NUAK1: variants seen among roughly 807,000 people sequenced by gnomAD.
The protein encoded by NUAK1 is NUAK family SNF1-like kinase 1.
In NUAK1, 26 loss-of-function variants were observed where a neutral mutation model predicts 56.9. The observed-to-expected ratio is 0.46, with a 90% CI of 0.33 to 0.63. The LOEUF is 0.63. NUAK1 is among the 30% of genes least tolerant of loss of function. The pLI, the probability that NUAK1 is intolerant of heterozygous loss-of-function variation, is 0.02. For synonymous variants in NUAK1, 337 were observed against 336.0 expected, an observed-to-expected ratio of 1.00 and a Z score of -0.03; for missense variants, 727 against 876.1, an observed-to-expected ratio of 0.83 and a Z score of 2.15.
intron 2 of NUAK1, among the ~76,000 whole-genome samples, chr12:106,098,160 A>C (rs928382060): frequency 6.6e-6 from 1 of 152,176 alleles, no homozygotes; most frequent in African/African-American, 2.4e-5. Context: ...ATCTCCTCCC[A>C]GAAAGACCTA....
At chr12:106,074,063 A>T (rs894794993) in intron 4 of NUAK1, among the ~76,000 whole-genome samples, 2 of 151,882 alleles carry the variant, frequency 1.3e-5, no homozygotes, top group African/African-American at 2.4e-5. Flanking sequence ...ATACATATAC[A>T]TATATATATT....
At chr12:106,128,797 C>A (rs1291655461) in intron 1 of NUAK1, among the ~76,000 whole-genome samples, 2 of 152,180 alleles carry the variant, frequency 1.3e-5, no homozygotes, top group Admixed American at 6.5e-5. Flanking sequence ...CTCCACTTAG[C>A]GCCTTCCCCC....
intron 2 of NUAK1, among the ~76,000 whole-genome samples, chr12:106,100,674 T>C (rs1370498325): frequency 6.6e-6 from 1 of 152,230 alleles, no homozygotes; most frequent in Non-Finnish European, 1.5e-5. Flanking sequence ...TGTTAATGAA[T>C]AAATCGCTTT....
At chr12:106,073,239 C>T (rs998813048) in intron 4 of NUAK1, among the ~76,000 whole-genome samples, 2 of 152,146 alleles carry the variant, frequency 1.3e-5, no homozygotes, top group African/African-American at 4.8e-5. Flanking sequence ...AGAATTCTCC[C>T]TCTGTGGTCT....
At chr12:106,078,301 T>C (rs1234721831) in intron 4 of NUAK1, among the ~76,000 whole-genome samples, 2 of 152,232 alleles carry the variant, frequency 1.3e-5, no homozygotes, top group Admixed American at 6.5e-5. Flanking sequence ...CATATATTGA[T>C]GTAGTAAATT....
At position 106,138,844 on chromosome 12, in the gene NUAK1, C is replaced by G; in HGVS notation, c.-191G>C. 3 of 701,898 alleles carry G rather than the reference C, an allele frequency of 4.3e-6. No individual in the cohort carries two copies. The highest frequency in any genetic ancestry group is 7.1e-5 in the East Asian group (2 of 28,284). 43.5% of individuals were successfully genotyped at this position (701,898 alleles called of 1,614,324 possible). Reference sequence around the variant, plus strand: ...GGGACTGCACATCTGGCGCCCGCGGCGCGCACGGTCCGCGCACCGCCCCCC... The same window carrying G: ...GGGACTGCACATCTGGCGCCCGCGGGGCGCACGGTCCGCGCACCGCCCCCC... On this transcript the variant is annotated 5_prime_UTR_variant, in exon 1 of 7. Transcript: ENST00000261402. This position sits in a 1 kb window ranked among gnomAD's most constrained non-coding sequence, Gnocchi z 5.0.
intron 2 of NUAK1, among the ~76,000 whole-genome samples, chr12:106,087,152 T>C (rs905541680): frequency 1.6e-4 from 25 of 152,308 alleles, no homozygotes; most frequent in African/African-American, 6.0e-4. Flanking sequence ...GGACCCCACT[T>C]TCCTTGTCAA....
chr12:106,107,838 T>C (rs1196351147), intron 1 of NUAK1, among the ~76,000 whole-genome samples: 1 of 152,224 alleles, frequency 6.6e-6, no homozygotes, highest in Non-Finnish European at 1.5e-5. Context: ...TTGCTATGTA[T>C]TGACCTCCCA....
In NUAK1 at chr12:106,131,481, T is replaced by C. The variant is rs529866054; in HGVS notation, c.240+6933A>G. Among the ~76,000 whole-genome samples the C allele has an allele frequency of 3.3e-4, 50 of 152,318 alleles. 2 individuals are homozygous for C. The South Asian group carries it at 9.9e-3, about 30-fold the overall frequency. On this transcript the variant is annotated intron_variant, in intron 1 of 6. Coordinates refer to ENST00000261402, the MANE Select transcript of NUAK1 (RefSeq NM_014840.3). ...CTGGCTTCTTTCACTGAACATAATG[T>C]TTTCAAGGTTCATCCATGCTGTCAC...
intron 5 of NUAK1, 104 bp downstream of exon 5, chr12:106,072,620 T>C: frequency 7.5e-7 from 1 of 1,328,388 alleles, no homozygotes. Flanking sequence ...TTGCTGGCTT[T>C]TTTAGGCTCT....
Position 106,067,913 on chromosome 12 carries a change from T to C in NUAK1, c.875A>G (p.Asp292Gly), listed in dbSNP as rs775646302. The C allele has an allele frequency of 1.9e-6, 3 of 1,613,408 alleles. No individual in the cohort carries two copies. In the African/African-American group the frequency reaches 4.0e-5, roughly 22 times the overall value. ...AATGTCCTCAATAGTGGCCCGGCGA[T>C]CGGGGTTCACCATCAGCATCCACCG... is the stretch of plus-strand genomic sequence containing the variant. ...LIRWMLMVNPDRRATIEDIAN... is the reference protein window; with the variant it reads ...LIRWMLMVNPGRRATIEDIAN... The change falls in exon 7 of 7, where the codon GAT (aspartate) becomes GGT (glycine). Residue 292 changes from aspartate (D) to glycine (G), a missense_variant. Physicochemically the swap from Asp to Gly is moderately conservative, Grantham distance 94. Transcript: ENST00000261402. The surrounding 1 kb of genome is among the most constrained non-coding windows in gnomAD (Gnocchi z 6.0).
intron 4 of NUAK1, among the ~76,000 whole-genome samples, chr12:106,074,332 T>A (rs991744866): frequency 6.6e-6 from 1 of 152,216 alleles, no homozygotes; most frequent in Non-Finnish European, 1.5e-5. Flanking sequence ...TAATCTAATC[T>A]TAACAAAAAC....
In NUAK1 at chr12:106,066,911, T is replaced by A. The variant is rs1437952591; in HGVS notation, c.1877A>T (p.Lys626Met). ...GTCTGCCAGCCGGTTCCGGTACCGC[T>A]TCAGGTACTGGGGCCGGGGCCGGTT... The part of the protein sequence containing the change: ...LQNRPRPQYL[K>M]RYRNRLADSS... Residue 626 changes from lysine to methionine, a missense_variant, in exon 7 of 7, where the codon AAG becomes ATG. Coordinates refer to ENST00000261402, the MANE Select transcript of NUAK1 (RefSeq NM_014840.3). The A allele has an allele frequency of 1.9e-6, 3 of 1,613,980 alleles. No individual in the cohort carries two copies. In the Admixed American group the frequency reaches 5.0e-5, roughly 27 times the overall value.
chr12:106,078,025 G>A (rs1050296645), intron 4 of NUAK1, among the ~76,000 whole-genome samples: 3 of 152,250 alleles, frequency 2.0e-5, no homozygotes, highest in South Asian at 2.1e-4. Flanking sequence ...TTGCAATACC[G>A]CCAATCACTT....
At chr12:106,128,786 C>T (rs2033048806) in intron 1 of NUAK1, among the ~76,000 whole-genome samples, 1 of 152,186 alleles carries the variant, frequency 6.6e-6, no homozygotes, top group South Asian at 2.1e-4. Flanking sequence ...CCTACCACAG[C>T]CTCCACTTAG....
intron 6 of NUAK1, among the ~76,000 whole-genome samples, chr12:106,068,494 G>A (rs975042989): frequency 7.9e-5 from 12 of 152,200 alleles, no homozygotes; most frequent in Non-Finnish European, 1.2e-4. Context: ...GGCAGTAAGC[G>A]TGGCCATCTC....
In NUAK1 at chr12:106,138,574, A is replaced by C. The variant is rs1318511676; in HGVS notation, c.80T>G (p.Val27Gly). ...LGAPGSPREA[V>G]AGATAALEPR... ...CTCCAGGGCTGCAGTCGCCCCCGCC[A>C]CCGCCTCTCGGGGAGAGCCCGGCGC... Residue 27 changes from valine (V) to glycine (G), a missense_variant, in exon 1 of 7, where the codon GTG becomes GGG. Transcript: ENST00000261402. The surrounding 1 kb of genome is among the most constrained non-coding windows in gnomAD (Gnocchi z 5.0). The C allele has an allele frequency of 9.4e-6, 15 of 1,594,024 alleles. No individual in the cohort carries two copies. The highest frequency in any genetic ancestry group is 1.2e-5 in the Non-Finnish European group (14 of 1,175,726).
rs1360481469 is a variant in NUAK1, at chr12:106,067,288, G to A, written c.1500C>T (p.Ser500=). 6.2e-7 allele frequency: 1 copy of A among 1,614,106 alleles called. No individual in the cohort carries two copies. ...LLDSNDVMGS[S]IPSPSPPDPA... is the part of the protein sequence containing the mutation. Reference sequence around the variant, plus strand: ...GGTCCGGGGGGCTGGGGGAGGGGATGCTGCTGCCCATCACATCATTACTGT... The same window carrying A: ...GGTCCGGGGGGCTGGGGGAGGGGATACTGCTGCCCATCACATCATTACTGT... The change falls in exon 7 of 7, where the codon AGC becomes AGT. Residue 500 remains serine (S), a synonymous_variant. Transcript: ENST00000261402. This position sits in a 1 kb window ranked among gnomAD's most constrained non-coding sequence, Gnocchi z 6.0.
At chr12:106,085,984 G>T (rs560769503) in intron 3 of NUAK1, among the ~76,000 whole-genome samples, 1 of 152,270 alleles carries the variant, frequency 6.6e-6, no homozygotes, top group South Asian at 2.1e-4. Flanking sequence ...TTGGATTATA[G>T]GCATGAGCCT....
Sources: gnomAD v4.1 joint callset for allele counts (sites outside exome capture counted in the v4.1 genomes callset) on GRCh38, gnomAD v4.1.1 for gene constraint, Gnocchi (gnomAD v3.1) non-coding constraint, MANE v1.5 for transcripts, NCBI Gene and HGNC (gene_info 2026-07-23, HGNC 2026-07-21) for gene names.